Variants in OBI1 observed in about 807,000 individuals in gnomAD.
OBI1 encodes ring finger protein 219.
A neutral mutation model predicts 62.4 loss-of-function variants in OBI1; 59 were observed. The observed-to-expected ratio is 0.95, with a 90% CI of 0.77 to 1.17. The LOEUF is 1.17. Among genes scored for constraint, OBI1 ranks in the 50% most tolerant of loss-of-function variants. OBI1 has a pLI of 0.00. For synonymous variants in OBI1, 302 were observed against 292.8 expected, an observed-to-expected ratio of 1.03 and a Z score of -0.32; for missense variants, 875 against 830.9, an observed-to-expected ratio of 1.05 and a Z score of -0.65.
intron 4 of OBI1, among the ~76,000 whole-genome samples, chr13:78,637,027 G>A (rs974178637): frequency 6.6e-6 from 1 of 152,210 alleles, no homozygotes; most frequent in South Asian, 2.1e-4. Context: ...GAAGGGCAGA[G>A]TTCTGCCTAC....
intron 5 of OBI1, among the ~76,000 whole-genome samples, chr13:78,621,347 A>G (rs1053914040): frequency 3.9e-5 from 6 of 152,188 alleles, no homozygotes; most frequent in African/African-American, 1.4e-4. Context: ...AACACTACAT[A>G]AATAATAGAC....
intron 1 of OBI1, 54 bp downstream of exon 1, chr13:78,658,995 G>A: frequency 6.5e-7 from 1 of 1,529,666 alleles, no homozygotes; most frequent in Non-Finnish European, 9.0e-7. Flanking sequence ...CCTCGGCCCC[G>A]GCGAGCGACT....
chr13:78,652,942 G>C (rs1876587200), intron 1 of OBI1, among the ~76,000 whole-genome samples: 1 of 152,082 alleles, frequency 6.6e-6, no homozygotes, highest in Non-Finnish European at 1.5e-5. Flanking sequence ...TACTGGAATG[G>C]GCCTGAGGGG....
At position 78,635,206 on chromosome 13, in the gene OBI1, A is replaced by T; in HGVS notation, c.550-8T>A. Reference sequence around the variant, plus strand: ...TTTCAATTTTTTATTTGCCTAAAATAACAAATTGAAAATAAGTAAGCAAAA... The same window carrying T: ...TTTCAATTTTTTATTTGCCTAAAATTACAAATTGAAAATAAGTAAGCAAAA... On this transcript the variant is annotated splice_region_variant and splice_polypyrimidine_tract_variant and intron_variant, in intron 4 of 5. Transcript: ENST00000282003. 6.6e-7 allele frequency: 1 copy of T among 1,525,946 alleles called. No individual in the cohort carries two copies. 94.5% of individuals were successfully genotyped at this position (1,525,946 alleles called of 1,614,324 possible).
chr13:78,621,621 G>A lies in OBI1; in HGVS notation c.639-4499C>T, dbSNP rs377614724. On this transcript the variant is annotated intron_variant, in intron 5 of 5. Transcript: ENST00000282003. ...GAAATTGAAATCAAATGTAAATGTAGTTATGGAAGAAATCACTGACTGTGG... is the reference window on the plus strand; with the variant it reads ...GAAATTGAAATCAAATGTAAATGTAATTATGGAAGAAATCACTGACTGTGG... 5.9e-5 allele frequency among the ~76,000 whole-genome samples: 9 copies of A among 152,340 alleles called. No homozygotes were observed. The East Asian group carries it at 1.2e-3, about 20-fold the overall frequency.
chr13:78,656,792 A>ATTTTT (rs869148028), intron 1 of OBI1, among the ~76,000 whole-genome samples: 14 of 67,174 alleles, frequency 2.1e-4, no homozygotes, highest in African/African-American at 8.5e-4. Flanking sequence ...TTTATTTTTA[A>ATTTTT]TTTTTTTTTT....
At chr13:78,629,809 T>C (rs1875791327) in intron 5 of OBI1, among the ~76,000 whole-genome samples, 1 of 151,886 alleles carries the variant, frequency 6.6e-6, no homozygotes, top group Non-Finnish European at 1.5e-5. Flanking sequence ...CTGCTTAGAG[T>C]AGAAAGTGGT....
chr13:78,631,765 TTAG>T (rs907952303), intron 5 of OBI1, among the ~76,000 whole-genome samples: 3 of 152,152 alleles, frequency 2.0e-5, no homozygotes, highest in Non-Finnish European at 4.4e-5. Context: ...AAGAACATGC[TTAG>T]TAGGCTATCT....
intron 1 of OBI1, among the ~76,000 whole-genome samples, chr13:78,651,503 C>A (rs1876541987): frequency 6.6e-6 from 1 of 152,138 alleles, no homozygotes; most frequent in Admixed American, 6.5e-5. Context: ...TTATGTTCAC[C>A]AATAAGAATA....
chr13:78,616,843 G>T lies in OBI1; in HGVS notation c.918C>A (p.Thr306=). Residue 306 remains threonine (T), a synonymous_variant, in exon 6 of 6, where the codon ACC becomes ACA. Coordinates refer to ENST00000282003, the MANE Select transcript of OBI1 (RefSeq NM_024546.4). ...DSARKQPGSS[T]SSSSHLAKPS... is the part of the protein sequence containing the mutation. ...GCTTCGCTAGGTGAGAAGAACTGGA[G>T]GTGGATGAGCCAGGCTGCTTTCTGG... 1 of 1,614,210 alleles carries T rather than the reference G, an allele frequency of 6.2e-7. No homozygotes were observed. The highest frequency in any genetic ancestry group is 8.5e-7 in the Non-Finnish European group (1 of 1,180,040).
intron 2 of OBI1, among the ~76,000 whole-genome samples, chr13:78,643,171 T>TGA (rs1231556880): frequency 6.6e-6 from 1 of 152,208 alleles, no homozygotes; most frequent in African/African-American, 2.4e-5. Flanking sequence ...CTATTTTCCT[T>TGA]GAGAGAATTT....
At chr13:78,626,438 A>T (rs1397119022) in intron 5 of OBI1, among the ~76,000 whole-genome samples, 1 of 152,220 alleles carries the variant, frequency 6.6e-6, no homozygotes. Flanking sequence ...ACAGTCATGG[A>T]AATGATCAAC....
chr13:78,630,734 C>T (rs1875820504), intron 5 of OBI1, among the ~76,000 whole-genome samples: 1 of 152,102 alleles, frequency 6.6e-6, no homozygotes, highest in Non-Finnish European at 1.5e-5. Context: ...CTCACTAGAC[C>T]AGCTGGCACC....
At position 78,641,976 on chromosome 13, in the gene OBI1, A is replaced by C. The variant is rs535993870; in HGVS notation, c.300+146T>G. 22 of 416,190 alleles carry C rather than the reference A, an allele frequency of 5.3e-5. No individual in the cohort carries two copies. In the South Asian group the frequency reaches 1.7e-3, roughly 32 times the overall value. The allele number at this position is 416,190 out of a possible 1,614,324, so 25.8% of individuals were successfully genotyped here. On this transcript the variant is annotated intron_variant, in intron 3 of 5. Transcript: ENST00000282003. ...TAAAATACGAAAGGAAAAAAGAAAA[A>C]AGAATTTATCAAACAATTTCTTTTT...
Position 78,617,267 on chromosome 13 carries a change from T to C in OBI1, c.639-145A>G, listed in dbSNP as rs1465463342. 2.8e-5 allele frequency: 15 copies of C among 534,538 alleles called. No individual in the cohort carries two copies. In the Admixed American group the frequency reaches 5.6e-4, roughly 20 times the overall value. 33.1% of individuals were successfully genotyped at this position (534,538 alleles called of 1,614,324 possible). A position where few individuals can be genotyped will look rare whatever the true frequency, so the allele number is the denominator to read the frequency against. On this transcript the variant is annotated intron_variant, in intron 5 of 5. Coordinates refer to ENST00000282003, the MANE Select transcript of OBI1 (RefSeq NM_024546.4). ...CAATGAGTAGGGCAAATGCCAGATG[T>C]ATATTTTCAAAAAATGGTTTCCCCA... is the stretch of plus-strand genomic sequence containing the variant.
intron 3 of OBI1, among the ~76,000 whole-genome samples, chr13:78,640,219 CA>C (rs1238254785): frequency 6.6e-6 from 1 of 151,650 alleles, no homozygotes; most frequent in Non-Finnish European, 1.5e-5. Flanking sequence ...AGTTTGTCCC[CA>C]CCTCATCCCC....
chr13:78,649,474 A>G (rs951310227), intron 1 of OBI1, among the ~76,000 whole-genome samples: 46 of 152,354 alleles, frequency 3.0e-4, no homozygotes, highest in East Asian at 3.9e-4. Context: ...CTGATCAGTT[A>G]CCGACAAGCA....
chr13:78,617,205 A>T, intron 5 of OBI1, 83 bp from the exon 6 acceptor site: 2 of 1,082,470 alleles, frequency 1.8e-6, no homozygotes, highest in South Asian at 1.8e-5. Context: ...GTCCCAGGCT[A>T]TTCTAATTTC....
rs1204629587 is a variant in OBI1 at position 78,656,741 on chromosome 13, G to C, written c.72+2308C>G. On this transcript the variant is annotated intron_variant, in intron 1 of 5. Coordinates refer to ENST00000282003, the MANE Select transcript of OBI1 (RefSeq NM_024546.4). Reference sequence around the variant, plus strand: ...CTTCCATGGTACCTGGGGGGGGGGGGGGAGGAGCCTGTTTAAAAATCCTTA... The same window carrying C: ...CTTCCATGGTACCTGGGGGGGGGGGCGGAGGAGCCTGTTTAAAAATCCTTA... Among the ~76,000 whole-genome samples, 139 of 108,734 alleles carry C rather than the reference G, an allele frequency of 1.3e-3. 8 individuals are homozygous for C. The highest frequency in any genetic ancestry group is 4.5e-3 in the African/African-American group (133 of 29,622). The allele number at this position is 108,734 out of a possible 152,430, so 71.3% of individuals were successfully genotyped here.
Sources: gnomAD v4.1 joint callset for allele counts (sites outside exome capture counted in the v4.1 genomes callset) on GRCh38, gnomAD v4.1.1 for gene constraint, MANE v1.5 for transcripts, NCBI Gene and HGNC (gene_info 2026-07-23, HGNC 2026-07-21) for gene names.